GPHN: variants seen among roughly 807,000 people sequenced by gnomAD.
GPHN encodes gephyrin.
GPHN carries 17 observed loss-of-function variants against 95.5 expected under a neutral mutation model. That is an observed-to-expected ratio of 0.18 (90% CI 0.12 to 0.27). The LOEUF (loss-of-function observed/expected upper bound fraction) is 0.27. Ranked by LOEUF, GPHN falls within the 10% of genes least tolerant of loss-of-function variation. GPHN has a pLI of 1.00. For missense variants in GPHN, 660 were observed against 978.1 expected, an observed-to-expected ratio of 0.67 and a Z score of 4.34; for synonymous variants, 320 against 322.5, an observed-to-expected ratio of 0.99 and a Z score of 0.08.
the GPHN span, among the ~76,000 whole-genome samples, chr14:67,699,938 G>A: frequency 5.9e-5 from 9 of 152,054 alleles, no homozygotes; most frequent in Admixed American, 5.2e-4. Context: ...TCAAGACATC[G>A]AGACCATCCT....
At chr14:66,826,784 T>G (rs1349411021) in intron 4 of GPHN, among the ~76,000 whole-genome samples, 1 of 152,174 alleles carries the variant, frequency 6.6e-6, no homozygotes. Flanking sequence ...CACCTTGATG[T>G]GTTCATCACT....
At chr14:66,798,789 AT>A (rs201942458) in intron 3 of GPHN, among the ~76,000 whole-genome samples, 4 of 147,864 alleles carry the variant, frequency 2.7e-5, no homozygotes, top group Non-Finnish European at 4.5e-5. Context: ...TTGATCTTTG[AT>A]TTTTTTTTCT....
rs1256634428 is a variant in GPHN at position 66,860,120 on chromosome 14, G to A, written c.295-19819G>A. On this transcript the variant is annotated intron_variant, in intron 4 of 22. Transcript: ENST00000478722. ...GAAAAATATCAACATTGTGCAAGAA[G>A]GTTATAGATAACACTAAGCAGATTT... 6.6e-5 allele frequency among the ~76,000 whole-genome samples: 10 copies of A among 152,124 alleles called. No individual in the cohort carries two copies. The East Asian group carries it at 7.7e-4, about 12-fold the overall frequency.
chr14:67,549,273 A>ATT, the GPHN span, among the ~76,000 whole-genome samples: 5 of 139,990 alleles, frequency 3.6e-5, no homozygotes, highest in African/African-American at 5.2e-5. Context: ...GAGATTTTTA[A>ATT]TTTTTTTTTT....
chr14:67,582,094 G>A, the GPHN span: 1 of 1,612,282 alleles, frequency 6.2e-7, no homozygotes, highest in Non-Finnish European at 8.5e-7. This position sits in a 1 kb window ranked among gnomAD's most constrained non-coding sequence, Gnocchi z 5.0. Flanking sequence ...TCAAGTCAAA[G>A]GGGAGACGGA....
At chr14:66,601,482 A>G (rs985022906) in intron 1 of GPHN, among the ~76,000 whole-genome samples, 7 of 151,986 alleles carry the variant, frequency 4.6e-5, no homozygotes, top group African/African-American at 1.4e-4. Flanking sequence ...GTGATGGTGA[A>G]GGGGCAACCT....
the GPHN span, among the ~76,000 whole-genome samples, chr14:67,189,169 G>A: frequency 6.6e-6 from 1 of 152,112 alleles, no homozygotes; most frequent in Non-Finnish European, 1.5e-5. Context: ...TTTTTCCCGT[G>A]GTTATACTAT....
intron 8 of GPHN, among the ~76,000 whole-genome samples, chr14:66,958,219 A>G (rs1002091160): frequency 2.6e-5 from 4 of 152,070 alleles, no homozygotes; most frequent in Non-Finnish European, 4.4e-5. Flanking sequence ...TGACCTTTTT[A>G]TCATTATATA....
chr14:67,536,719 C>T, the GPHN span, among the ~76,000 whole-genome samples: 1 of 151,902 alleles, frequency 6.6e-6, no homozygotes, highest in South Asian at 2.1e-4. Context: ...ATCTTGCACA[C>T]AGGACTCACT....
intron 1 of GPHN, among the ~76,000 whole-genome samples, chr14:66,652,754 TGGC>T (rs1306825647): frequency 6.6e-6 from 1 of 152,150 alleles, no homozygotes; most frequent in Non-Finnish European, 1.5e-5. Flanking sequence ...TGTGAGCGGT[TGGC>T]AGAGAGAGAA....
At chr14:67,520,853 GT>G in the GPHN span, among the ~76,000 whole-genome samples, 1 of 152,266 alleles carries the variant, frequency 6.6e-6, no homozygotes, top group East Asian at 1.9e-4. Flanking sequence ...CCTGGATTGT[GT>G]GGTGAGAGTA....
At chr14:66,680,385 A>C (rs969537304) in intron 1 of GPHN, among the ~76,000 whole-genome samples, 1 of 152,214 alleles carries the variant, frequency 6.6e-6, no homozygotes, top group Non-Finnish European at 1.5e-5. Flanking sequence ...TTGTCTTCTA[A>C]TCACCACAAC....
chr14:67,555,898 G>T, the GPHN span: 1 of 1,613,058 alleles, frequency 6.2e-7, no homozygotes, highest in African/African-American at 1.3e-5. Context: ...GTAACCAGGG[G>T]AGGGGATCGG....
chr14:66,698,284 C>A (rs995253001), intron 2 of GPHN, among the ~76,000 whole-genome samples: 9 of 152,084 alleles, frequency 5.9e-5, no homozygotes, highest in Non-Finnish European at 2.9e-5. Flanking sequence ...TAAATACTTG[C>A]TGAATAAGAT....
the GPHN span, chr14:67,204,973 G>A: frequency 6.3e-7 from 1 of 1,586,758 alleles, no homozygotes; most frequent in Non-Finnish European, 8.6e-7. Flanking sequence ...TGTCACAGAA[G>A]TCATAGAAGT....
At chr14:67,411,939 G>A in the GPHN span, 1 of 1,300,290 alleles carries the variant, frequency 7.7e-7, no homozygotes, top group Non-Finnish European at 1.1e-6. Context: ...GTTCCGGGGC[G>A]CGCGTCTGGC....
intron 2 of GPHN, among the ~76,000 whole-genome samples, chr14:66,739,522 T>G (rs2072614409): frequency 6.8e-6 from 1 of 146,040 alleles, no homozygotes; most frequent in Non-Finnish European, 1.5e-5. Context: ...GGCCCCTGCT[T>G]TTTTTTTTTT....
intron 1 of GPHN, among the ~76,000 whole-genome samples, chr14:66,511,225 T>G (rs2058029502): frequency 6.6e-6 from 1 of 152,188 alleles, no homozygotes; most frequent in African/African-American, 2.4e-5. Flanking sequence ...AAAATGAAGC[T>G]GTGCTGTACA....
chr14:66,774,497 TGTC>T (rs2059309907), intron 2 of GPHN, among the ~76,000 whole-genome samples: 1 of 152,238 alleles, frequency 6.6e-6, no homozygotes, highest in South Asian at 2.1e-4. Flanking sequence ...TTATTAAACT[TGTC>T]GTGCTTCTCA....
Sources: gnomAD v4.1 joint callset for allele counts (sites outside exome capture counted in the v4.1 genomes callset) on GRCh38, gnomAD v4.1.1 for gene constraint, Gnocchi (gnomAD v3.1) non-coding constraint, MANE v1.5 for transcripts, NCBI Gene and HGNC (gene_info 2026-07-23, HGNC 2026-07-21) for gene names.